Variants in DDX46 observed in about 807,000 individuals in gnomAD.
The protein encoded by DDX46 is DEAD-box helicase 46.
Under a neutral mutation model 134.9 loss-of-function variants are expected in DDX46, and 30 were observed. The ratio of observed to expected loss-of-function variants is 0.22; its 90% CI spans 0.17 to 0.30. The LOEUF is 0.30. DDX46 is among the 10% of genes least tolerant of loss of function. The pLI is 1.00. For missense variants in DDX46, 622 were observed against 1,248.7 expected (o/e 0.50, Z 7.56); for synonymous variants, 415 against 404.1 (o/e 1.03, Z -0.32).
At chr5:134,796,855 A>G (rs899844723) in intron 15 of DDX46, among the ~76,000 whole-genome samples, 2 of 142,766 alleles carry the variant, frequency 1.4e-5, no homozygotes, top group African/African-American at 5.2e-5. Context: ...TCTCTCCATA[A>G]AAAAAAAAAA....
In DDX46 at chr5:134,770,999, C is replaced by A; in HGVS notation, c.447C>A (p.Gly149=). ...AGGATGAAAAAGAAAAAGATGCTGG[C>A]GTATGTTTATTAACTTAAAAATAAT... ...DKEDEKEKDA[G]NFDQNKLEEE... is the part of the protein sequence containing the mutation. The change falls in exon 4 of 23, where the codon GGC becomes GGA. Residue 149 remains glycine (G), a splice_region_variant and synonymous_variant. Transcript: ENST00000452510. 1 of 1,165,144 alleles carries A rather than the reference C, an allele frequency of 8.6e-7. No individual in the cohort carries two copies. The highest frequency in any genetic ancestry group is 1.3e-6 in the Non-Finnish European group (1 of 797,472). The allele number at this position is 1,165,144 out of a possible 1,614,324, so 72.2% of individuals were successfully genotyped here.
At chr5:134,777,983 C>T in intron 6 of DDX46, 2 of 297,164 alleles carry the variant, frequency 6.7e-6, no homozygotes, top group South Asian at 7.5e-5. Context: ...TTAATAAGTT[C>T]TCTGGAGACT....
In DDX46 at chr5:134,814,362, G is replaced by T. The variant is rs149457205; in HGVS notation, c.2437-2068G>T. 1.5e-4 allele frequency among the ~76,000 whole-genome samples: 23 copies of T among 152,262 alleles called. No individual in the cohort carries two copies. In the East Asian group the frequency reaches 4.0e-3, roughly 27 times the overall value. On this transcript the variant is annotated intron_variant, in intron 18 of 22. Coordinates refer to ENST00000452510, the MANE Select transcript of DDX46 (RefSeq NM_001300860.2). ...TTTTAAAATCTTGTGATAAAATACGGTGATTGTTTCTTCGGGTGTTAAAGT... is the reference window on the plus strand; with the variant it reads ...TTTTAAAATCTTGTGATAAAATACGTTGATTGTTTCTTCGGGTGTTAAAGT...
chr5:134,790,513 T>C lies in DDX46; in HGVS notation c.1587T>C (p.Asp529=). 6.2e-7 allele frequency: 1 copy of C among 1,613,534 alleles called. No individual in the cohort carries two copies. Among genetic ancestry groups the C allele is most frequent in the Non-Finnish European group, 8.5e-7 (1 of 1,179,884 alleles). ...NLRRVTYVVL[D]EADRMFDMGF... ...GAAGAGTGACATATGTTGTTTTAGA[T>C]GAAGCAGACAGAATGTTTGACATGG... Residue 529 remains aspartate (D), a synonymous_variant, in exon 13 of 23, where the codon GAT becomes GAC. Coordinates refer to ENST00000452510, the MANE Select transcript of DDX46 (RefSeq NM_001300860.2).
At chr5:134,823,694 G>A (rs1336854303) in intron 21 of DDX46, among the ~76,000 whole-genome samples, 1 of 152,152 alleles carries the variant, frequency 6.6e-6, no homozygotes, top group Non-Finnish European at 1.5e-5. Flanking sequence ...AGGTGACACT[G>A]TTTCTTATTA....
At position 134,787,440 on chromosome 5, in the gene DDX46, T is replaced by A. The variant is rs550212331; in HGVS notation, c.1465-1073T>A. The stretch of plus-strand genomic sequence containing the variant: ...AAATGGGATAAATTAAGTGACGTTT[T>A]CTGAACTTAACTACAAAACTGTTTC... On this transcript the variant is annotated intron_variant, in intron 11 of 22. Coordinates refer to ENST00000452510, the MANE Select transcript of DDX46 (RefSeq NM_001300860.2). Among the ~76,000 whole-genome samples the A allele has an allele frequency of 3.9e-5, 6 of 152,352 alleles. No individual in the cohort carries two copies. The South Asian group carries it at 1.0e-3, about 26-fold the overall frequency.
chr5:134,766,929 TAGAG>T lies in DDX46; in HGVS notation c.227_230del (p.Arg76ThrfsTer84). 1 of 1,612,410 alleles carries T rather than the reference TAGAG, an allele frequency of 6.2e-7. No individual in the cohort carries two copies. Among genetic ancestry groups the T allele is most frequent in the Non-Finnish European group, 8.5e-7 (1 of 1,179,446 alleles). ...GTCCCCCTTTCAGACGTTCCAGAAG[TAGAG>T]AGAGAGACAGAAGCCGAGAGCGAAG... On this transcript the variant is annotated frameshift_variant, in exon 3 of 23. Coordinates refer to ENST00000452510, the MANE Select transcript of DDX46 (RefSeq NM_001300860.2). LOFTEE classifies it high-confidence loss of function.
In DDX46 at chr5:134,766,906, C is replaced by G; in HGVS notation, c.207-11C>G. 1 of 1,605,302 alleles carries G rather than the reference C, an allele frequency of 6.2e-7. No homozygotes were observed. The highest frequency in any genetic ancestry group is 8.5e-7 in the Non-Finnish European group (1 of 1,177,506). Reference sequence around the variant, plus strand: ...TGGTCATAGAATAAATGAAAAGTGTCCCCCTTTCAGACGTTCCAGAAGTAG... The same window carrying G: ...TGGTCATAGAATAAATGAAAAGTGTGCCCCTTTCAGACGTTCCAGAAGTAG... On this transcript the variant is annotated splice_polypyrimidine_tract_variant and intron_variant, in intron 2 of 22. Transcript: ENST00000452510.
In DDX46 at chr5:134,780,564, CAATAAATAAATA is replaced by C. The variant is rs10655595; in HGVS notation, c.766-542_766-531del. Among the ~76,000 whole-genome samples the C allele has an allele frequency of 9.0e-3, 1,275 of 142,326 alleles. 17 individuals carry two copies. The highest frequency in any genetic ancestry group is 0.029 in the African/African-American group (1,119 of 38,810). The allele number at this position is 142,326 out of a possible 152,430, so 93.4% of individuals were successfully genotyped here. Reference sequence around the variant, plus strand: ...GGGTGACAAGAGCAAAACTTTATCTCAATAAATAAATAAATAAATAAATAAATAAATAAATAA... The same window carrying C: ...GGGTGACAAGAGCAAAACTTTATCTCAATAAATAAATAAATAAATAAATAA... On this transcript the variant is annotated intron_variant, in intron 6 of 22. Coordinates refer to ENST00000452510, the MANE Select transcript of DDX46 (RefSeq NM_001300860.2).
chr5:134,766,808 C>G, intron 2 of DDX46, 109 bp from the exon 3 acceptor site: 1 of 1,323,586 alleles, frequency 7.6e-7, no homozygotes, highest in Non-Finnish European at 1.0e-6. Context: ...AGACCTCCAC[C>G]TTTAATAATG....
chr5:134,773,698 C>T lies in DDX46; in HGVS notation c.450C>T (p.Asn150=), dbSNP rs1008856456. 6.3e-7 allele frequency: 1 copy of T among 1,588,292 alleles called. No individual in the cohort carries two copies. The highest frequency in any genetic ancestry group is 8.5e-7 in the Non-Finnish European group (1 of 1,170,202). ...TTTCTTTCTTTTATTCCCCCAAGAA[C>T]TTTGACCAGAATAAGCTGGAAGAAG... ...KEDEKEKDAG[N]FDQNKLEEEM... The change falls in exon 5 of 23, where the codon AAC becomes AAT. Residue 150 remains asparagine, a splice_region_variant and synonymous_variant. Transcript: ENST00000452510.
intron 4 of DDX46, among the ~76,000 whole-genome samples, chr5:134,771,470 A>G (rs1216941463): frequency 6.9e-6 from 1 of 144,488 alleles, no homozygotes; most frequent in Non-Finnish European, 1.5e-5. Flanking sequence ...AGGCGGGTGG[A>G]TCATGAGGTC....
chr5:134,774,936 C>T (rs1047653187), intron 5 of DDX46, among the ~76,000 whole-genome samples: 5 of 152,102 alleles, frequency 3.3e-5, no homozygotes, highest in Non-Finnish European at 5.9e-5. Flanking sequence ...AAGCTATTCT[C>T]TTGCGCCTCA....
At chr5:134,782,536 G>C (rs111296627) in intron 8 of DDX46, among the ~76,000 whole-genome samples, 1,752 of 151,568 alleles carry the variant, frequency 0.012, 27 homozygotes, top group African/African-American at 0.04. Context: ...TTTGAGACAG[G>C]GTCTCACTCC....
rs906428160 is a variant in DDX46, at chr5:134,774,940, C to T, written c.613+1079C>T. 5.9e-5 allele frequency among the ~76,000 whole-genome samples: 9 copies of T among 152,058 alleles called. No individual in the cohort carries two copies. The South Asian group carries it at 1.5e-3, about 25-fold the overall frequency. ...CTCCCAGGTTCAAGCTATTCTCTTG[C>T]GCCTCAGCTTTTCAAGTAGTCAGGA... On this transcript the variant is annotated intron_variant, in intron 5 of 22. Transcript: ENST00000452510.
At chr5:134,783,180 A>C in intron 9 of DDX46, 115 bp downstream of exon 9, 7 of 1,378,654 alleles carry the variant, frequency 5.1e-6, no homozygotes, top group Non-Finnish European at 5.9e-6. Context: ...ACGTTTTAAA[A>C]AACTTTCATT....
Position 134,826,543 on chromosome 5 carries a change from C to T in DDX46, c.2978-404C>T, listed in dbSNP as rs79417140. The T allele has an allele frequency of 7.9e-3, 1,223 of 154,114 alleles. 5 individuals carry two copies. Among genetic ancestry groups the T allele is most frequent in the Middle Eastern group, 0.039 (12 of 308 alleles). The allele number at this position is 154,114 out of a possible 1,614,324, so 9.5% of individuals were successfully genotyped here. A position where few individuals can be genotyped will look rare whatever the true frequency, so the allele number is the denominator to read the frequency against. Reference sequence around the variant, plus strand: ...TTAAAGATTTTGTTCAGACGAGACCCTTCTGAAACATTTGTAGACTTCAGT... The same window carrying T: ...TTAAAGATTTTGTTCAGACGAGACCTTTCTGAAACATTTGTAGACTTCAGT... On this transcript the variant is annotated intron_variant, in intron 21 of 22. Coordinates refer to ENST00000452510, the MANE Select transcript of DDX46 (RefSeq NM_001300860.2).
At chr5:134,770,127 G>C (rs545687) in intron 3 of DDX46, among the ~76,000 whole-genome samples, 3,723 of 151,902 alleles carry the variant, frequency 0.025, 84 homozygotes, top group African/African-American at 0.061. Flanking sequence ...GAACTCCTGG[G>C]CTCAAGTGAT....
intron 6 of DDX46, 27 bp from the exon 7 acceptor site, chr5:134,781,106 A>G (rs1047240164): frequency 1.3e-6 from 2 of 1,517,554 alleles, no homozygotes; most frequent in Non-Finnish European, 1.8e-6. Context: ...GCTTTGCAAA[A>G]TATTCTATAT....
Sources: gnomAD v4.1 joint callset for allele counts (sites outside exome capture counted in the v4.1 genomes callset) on GRCh38, gnomAD v4.1.1 for gene constraint, MANE v1.5 for transcripts, NCBI Gene and HGNC (gene_info 2026-07-23, HGNC 2026-07-21) for gene names.